Variants in SEL1L3 observed in about 807,000 individuals in gnomAD.
SEL1L3 encodes protein sel-1 homolog 3.
In SEL1L3, 76 loss-of-function variants were observed where a neutral mutation model predicts 142.8. That is an observed-to-expected ratio of 0.53 (90% CI 0.44 to 0.64). SEL1L3 has a LOEUF of 0.64. Ranked by LOEUF, SEL1L3 falls within the 30% of genes least tolerant of loss-of-function variation. The pLI is 0.00. For synonymous variants in SEL1L3, 504 were observed against 519.6 expected, an observed-to-expected ratio of 0.97 and a Z score of 0.41; for missense variants, 1,262 against 1,381.7, an observed-to-expected ratio of 0.91 and a Z score of 1.37.
chr4:25,827,130 A>G (rs148160490), intron 6 of SEL1L3, among the ~76,000 whole-genome samples: 91 of 152,218 alleles, frequency 6.0e-4, no homozygotes, highest in African/African-American at 2.1e-3. Flanking sequence ...CTCTGCATTC[A>G]TTTTGATTTT....
the SEL1L3 span, among the ~76,000 whole-genome samples, chr4:25,724,465 G>A: frequency 1.3e-5 from 2 of 151,900 alleles, no homozygotes; most frequent in Non-Finnish European, 2.9e-5. Flanking sequence ...AAAAAGGCCA[G>A]GTACAGTGGC....
At chr4:25,819,328 T>C (rs1016818191) in intron 8 of SEL1L3, among the ~76,000 whole-genome samples, 15 of 139,496 alleles carry the variant, frequency 1.1e-4, no homozygotes, top group African/African-American at 3.6e-4. Flanking sequence ...ATGAGTCAAT[T>C]TCAAGGATTT....
At chr4:25,742,795 T>G (rs2109099247), downstream of SEL1L3, among the ~76,000 whole-genome samples, 1 of 152,312 alleles carries the variant, frequency 6.6e-6, no homozygotes, top group East Asian at 1.9e-4. Flanking sequence ...CTTGCAACTT[T>G]GTTGGATACT....
At chr4:25,848,318 C>A (rs1330055060) in intron 1 of SEL1L3, among the ~76,000 whole-genome samples, 1 of 152,174 alleles carries the variant, frequency 6.6e-6, no homozygotes, top group Non-Finnish European at 1.5e-5. Context: ...GAAAAGTGCA[C>A]CCTCGAGGGA....
At chr4:25,765,799 C>T (rs1718685665) in intron 19 of SEL1L3, among the ~76,000 whole-genome samples, 1 of 151,776 alleles carries the variant, frequency 6.6e-6, no homozygotes, top group African/African-American at 2.4e-5. Context: ...CCACCACGCC[C>T]GGCTAATTTT....
intron 2 of SEL1L3, among the ~76,000 whole-genome samples, chr4:25,843,894 C>T (rs1306742338): frequency 2.0e-5 from 3 of 152,246 alleles, no homozygotes; most frequent in African/African-American, 4.8e-5. Context: ...GCCCTCGCCT[C>T]GGGAGCCTTG....
downstream of SEL1L3, among the ~76,000 whole-genome samples, chr4:25,744,391 C>G (rs1717201440): frequency 1.4e-5 from 2 of 139,594 alleles, no homozygotes; most frequent in African/African-American, 5.3e-5. Context: ...CTCTGTCACC[C>G]AGGCTGGAGT....
chr4:25,830,272 T>A (rs574510412), intron 5 of SEL1L3, 116 bp from the exon 6 acceptor site: 6 of 606,580 alleles, frequency 9.9e-6, no homozygotes, highest in Non-Finnish European at 1.7e-5. Flanking sequence ...CCTGATCAGT[T>A]TCTGCAAAAA....
intron 23 of SEL1L3, among the ~76,000 whole-genome samples, chr4:25,755,089 T>G (rs1262880634): frequency 6.6e-6 from 1 of 152,040 alleles, no homozygotes; most frequent in Non-Finnish European, 1.5e-5. Context: ...TTTTTTTAAC[T>G]TCTACTTTTT....
At chr4:25,742,687 T>C (rs936101564), downstream of SEL1L3, among the ~76,000 whole-genome samples, 1 of 144,438 alleles carries the variant, frequency 6.9e-6, no homozygotes, top group Non-Finnish European at 1.5e-5. Context: ...GTCATTACTG[T>C]AAATGAAATC....
In SEL1L3 at chr4:25,777,718, ATG is replaced by A. The variant is rs751537141; in HGVS notation, c.2585+1356_2585+1357del. The A allele has an allele frequency of 5.2e-4, 217 of 417,200 alleles. 1 individual carries two copies. In the Middle Eastern group the frequency reaches 0.026, roughly 50 times the overall value. The allele number at this position is 417,200 out of a possible 1,614,324, so 25.8% of individuals were successfully genotyped here. A position where few individuals can be genotyped will look rare whatever the true frequency, so the allele number is the denominator to read the frequency against. On this transcript the variant is annotated intron_variant, in intron 16 of 23. Transcript: ENST00000399878. ...GAAAATCCACAAAACATGAATATTC[ATG>A]TCAAATATACTAAATAACAATGATA...
intron 13 of SEL1L3, among the ~76,000 whole-genome samples, chr4:25,786,901 C>T (rs1454669151): frequency 6.6e-6 from 1 of 152,156 alleles, no homozygotes; most frequent in Non-Finnish European, 1.5e-5. Flanking sequence ...GAAATGTAGC[C>T]ACAGTCATGG....
intron 17 of SEL1L3, among the ~76,000 whole-genome samples, chr4:25,773,079 G>A (rs1719347704): frequency 6.6e-6 from 1 of 152,192 alleles, no homozygotes; most frequent in Non-Finnish European, 1.5e-5. Context: ...TTACAGGCGT[G>A]CACCACCACG....
At chr4:25,791,425 T>G (rs1305144817) in intron 11 of SEL1L3, among the ~76,000 whole-genome samples, 1 of 152,224 alleles carries the variant, frequency 6.6e-6, no homozygotes, top group Non-Finnish European at 1.5e-5. Flanking sequence ...TTCATTTTGA[T>G]GTATAAACTT....
chr4:25,748,194 C>T lies in SEL1L3; in HGVS notation c.*231G>A. 2 of 512,738 alleles carry T rather than the reference C, an allele frequency of 3.9e-6. No individual in the cohort carries two copies. The highest frequency in any genetic ancestry group is 2.5e-5 in the South Asian group (1 of 40,170). 31.8% of individuals were successfully genotyped at this position (512,738 alleles called of 1,614,324 possible). On this transcript the variant is annotated 3_prime_UTR_variant, in exon 24 of 24. Coordinates refer to ENST00000399878, the MANE Select transcript of SEL1L3 (RefSeq NM_015187.5). Reference sequence around the variant, plus strand: ...TGGCCCAGTAAACTTCCCCACATGCCCTATGATCAAGATGTTCCTTGTATG... The same window carrying T: ...TGGCCCAGTAAACTTCCCCACATGCTCTATGATCAAGATGTTCCTTGTATG...
intron 11 of SEL1L3, among the ~76,000 whole-genome samples, chr4:25,795,920 G>T (rs1479768021): frequency 6.8e-6 from 1 of 146,966 alleles, no homozygotes; most frequent in Non-Finnish European, 1.5e-5. Flanking sequence ...GCTGTGGACT[G>T]GGAGAAAAAA....
At chr4:25,721,980 G>T in the SEL1L3 span, among the ~76,000 whole-genome samples, 1 of 152,186 alleles carries the variant, frequency 6.6e-6, no homozygotes, top group African/African-American at 2.4e-5. Context: ...GTTCCTGGGG[G>T]TCTGCGAATT....
At chr4:25,765,506 C>G in intron 19 of SEL1L3, 71 bp from the exon 20 acceptor site, 3 of 983,686 alleles carry the variant, frequency 3.0e-6, no homozygotes, top group Non-Finnish European at 4.9e-6. Flanking sequence ...ATTATTGGCG[C>G]ATTCACATGA....
At chr4:25,741,644 G>A in the SEL1L3 span, among the ~76,000 whole-genome samples, 4 of 152,052 alleles carry the variant, frequency 2.6e-5, no homozygotes, top group Non-Finnish European at 4.4e-5. Context: ...GGTGTGGGAT[G>A]TTGCAAATCT....
Sources: gnomAD v4.1 joint callset for allele counts (sites outside exome capture counted in the v4.1 genomes callset) on GRCh38, gnomAD v4.1.1 for gene constraint, MANE v1.5 for transcripts, NCBI Gene and HGNC (gene_info 2026-07-23, HGNC 2026-07-21) for gene names.